The following NUP58 variants were observed in gnomAD, a reference collection of about 807,000 sequenced individuals.
NUP58 encodes nucleoporin 58.
Under a neutral mutation model 70.1 loss-of-function variants are expected in NUP58, and 17 were observed. The ratio of observed to expected loss-of-function variants is 0.24; its 90% CI spans 0.17 to 0.36. The LOEUF is 0.36. NUP58 is among the 10% of genes least tolerant of loss of function. NUP58 has a pLI of 1.00. For missense variants in NUP58, 644 were observed against 701.5 expected (o/e 0.92, Z 0.93); for synonymous variants, 275 against 257.6 (o/e 1.07, Z -0.65).
At chr13:25,307,209 G>GTTTTT (rs1433449217) in intron 1 of NUP58, among the ~76,000 whole-genome samples, 1 of 46,396 alleles carries the variant, frequency 2.2e-5, no homozygotes, top group Admixed American at 3.4e-4. Flanking sequence ...ATCTGGTATT[G>GTTTTT]TATTTTTTTT....
intron 9 of NUP58, among the ~76,000 whole-genome samples, chr13:25,321,900 A>G (rs1187687495): frequency 6.6e-6 from 1 of 152,178 alleles, no homozygotes; most frequent in Non-Finnish European, 1.5e-5. Context: ...CTGGGCAACA[A>G]GAGCAAAACT....
chr13:25,329,350 C>T (rs933723083), intron 12 of NUP58, among the ~76,000 whole-genome samples: 1 of 152,108 alleles, frequency 6.6e-6, no homozygotes, highest in African/African-American at 2.4e-5. Flanking sequence ...TATTTCAGAG[C>T]AAATGCCAGG....
chr13:25,347,692 G>A (rs2032066114), intron 3 of NUP58, among the ~76,000 whole-genome samples: 1 of 152,182 alleles, frequency 6.6e-6, no homozygotes, highest in Admixed American at 6.5e-5. Flanking sequence ...CTGTGTTTTA[G>A]GAGTCTACTC....
At chr13:25,345,422 ATG>A (rs1332985535), downstream of NUP58, among the ~76,000 whole-genome samples, 1 of 152,134 alleles carries the variant, frequency 6.6e-6, no homozygotes, top group Non-Finnish European at 1.5e-5. Flanking sequence ...ACCTAGGTCT[ATG>A]TGATTTAAAA....
At chr13:25,327,078 A>G in intron 11 of NUP58, 44 bp downstream of exon 11, 1 of 1,145,190 alleles carries the variant, frequency 8.7e-7, no homozygotes, top group Non-Finnish European at 1.3e-6. Flanking sequence ...TTTTGTTTGT[A>G]GGAGATAGAT....
At chr13:25,326,336 CTT>C (rs575333387) in intron 10 of NUP58, among the ~76,000 whole-genome samples, 3 of 142,038 alleles carry the variant, frequency 2.1e-5, no homozygotes, top group Non-Finnish European at 1.6e-5. Context: ...AAGATACCTT[CTT>C]TTTTTTTTTT....
chr13:25,308,646 T>C (rs974209380), intron 2 of NUP58, among the ~76,000 whole-genome samples: 2 of 152,174 alleles, frequency 1.3e-5, no homozygotes, highest in African/African-American at 2.4e-5. Flanking sequence ...TTTACATTTT[T>C]GTATTATTAA....
At chr13:25,320,782 C>G (rs1180352533) in intron 8 of NUP58, 137 bp from the exon 9 acceptor site, 1 of 734,304 alleles carries the variant, frequency 1.4e-6, no homozygotes, top group Non-Finnish European at 2.1e-6. Context: ...AACTTCCATT[C>G]TGTAAAAAAG....
intron 13 of NUP58, chr13:25,333,082 T>C: frequency 2.0e-6 from 2 of 985,342 alleles, no homozygotes; most frequent in Non-Finnish European, 2.4e-6. Context: ...ATATATTCTA[T>C]GATAAATACC....
chr13:25,343,862 C>CAT (rs1426590119), downstream of NUP58, among the ~76,000 whole-genome samples: 6 of 129,186 alleles, frequency 4.6e-5, no homozygotes, highest in African/African-American at 1.8e-4. Context: ...CACATACATA[C>CAT]ACACACACAC....
intron 13 of NUP58, chr13:25,335,530 G>T (rs778366591): frequency 6.8e-5 from 67 of 984,856 alleles, no homozygotes; most frequent in Non-Finnish European, 8.0e-5. Flanking sequence ...CAAAAGAGCT[G>T]CTAGGCAGGT....
chr13:25,331,705 T>G, intron 13 of NUP58, 147 bp downstream of exon 13: 1 of 1,448,934 alleles, frequency 6.9e-7, no homozygotes, highest in South Asian at 1.5e-5. Flanking sequence ...TGGACACGAT[T>G]ATAAACATAC....
At position 25,301,883 on chromosome 13, in the gene NUP58, A is replaced by T. The variant is rs530277723; in HGVS notation, c.107+3A>T. On this transcript the variant is annotated splice_donor_region_variant and intron_variant, in intron 1 of 15. Transcript: ENST00000381736. The stretch of plus-strand genomic sequence containing the variant: ...TCCTTCGGAACGGGAGCGTCTAGGT[A>T]ACCGCACTTTCTCGCCTTCCTGGGC... 4 of 1,601,888 alleles carry T rather than the reference A, an allele frequency of 2.5e-6. No individual in the cohort carries two copies. The highest frequency in any genetic ancestry group is 3.4e-6 in the Non-Finnish European group (4 of 1,170,580).
chr13:25,301,842 C>A lies in NUP58; in HGVS notation c.69C>A (p.Ser23Arg), dbSNP rs1566052544. Reference protein sequence around the residue: ...GSTTVAAGGTSTGGVFSFGTG... With the variant: ...GSTTVAAGGTRTGGVFSFGTG... Reference sequence around the variant, plus strand: ...CCACCGTGGCCGCCGGCGGGACCAGCACAGGCGGCGTTTTCTCCTTCGGAA... The same window carrying A: ...CCACCGTGGCCGCCGGCGGGACCAGAACAGGCGGCGTTTTCTCCTTCGGAA... Residue 23 changes from serine to arginine, a missense_variant, in exon 1 of 16, where the codon AGC becomes AGA. Ser to Arg is a moderately radical substitution (Grantham distance 110). Around this residue, in one of 4 missense-constraint regions of NUP58, gnomAD observed 430 missense variants for 409.2 expected, o/e 1.05. Transcript: ENST00000381736. 6.2e-7 allele frequency: 1 copy of A among 1,613,472 alleles called. No homozygotes were observed. The highest frequency in any genetic ancestry group is 8.5e-7 in the Non-Finnish European group (1 of 1,179,816).
At chr13:25,319,481 G>A (rs1180798305) in intron 7 of NUP58, 131 bp downstream of exon 7, 5 of 716,614 alleles carry the variant, frequency 7.0e-6, no homozygotes, top group South Asian at 5.4e-5. Context: ...AATGGTATTC[G>A]TTAAAAGTAA....
chr13:25,319,943 G>A (rs188021673), intron 7 of NUP58, among the ~76,000 whole-genome samples: 1 of 152,178 alleles, frequency 6.6e-6, no homozygotes, highest in Non-Finnish European at 1.5e-5. Flanking sequence ...CTGCATAAGG[G>A]TTATGAAATC....
At chr13:25,334,718 C>G in intron 13 of NUP58, 1 of 980,242 alleles carries the variant, frequency 1.0e-6, no homozygotes, top group Non-Finnish European at 1.2e-6. Flanking sequence ...GCACTTTAGT[C>G]CTTTTTCTGT....
chr13:25,345,593 G>C (rs2032039961), downstream of NUP58, among the ~76,000 whole-genome samples: 1 of 147,654 alleles, frequency 6.8e-6, no homozygotes. Flanking sequence ...GTGGGGGGGG[G>C]TCTGTCCACC....
chr13:25,345,782 A>G (rs2032042093), downstream of NUP58, among the ~76,000 whole-genome samples: 3 of 151,442 alleles, frequency 2.0e-5, no homozygotes, highest in Non-Finnish European at 2.9e-5. Flanking sequence ...AAAAAGCTCA[A>G]GAGAACCAGG....
Sources: gnomAD v4.1 joint callset for allele counts (sites outside exome capture counted in the v4.1 genomes callset) on GRCh38, gnomAD v4.1.1 for gene constraint, gnomAD v4.1.1 regional missense constraint, MANE v1.5 for transcripts, NCBI Gene and HGNC (gene_info 2026-07-23, HGNC 2026-07-21) for gene names.